Variants in RSBN1 observed in about 807,000 individuals in gnomAD.
The protein encoded by RSBN1 is round spermatid basic protein 1, also known as lysine-specific demethylase 9.
A neutral mutation model predicts 74.8 loss-of-function variants in RSBN1; 23 were observed. The observed-to-expected ratio is 0.31, with a 90% confidence interval of 0.22 to 0.44. The LOEUF is 0.44. Ranked by LOEUF, RSBN1 falls within the 20% of genes least tolerant of loss-of-function variation. RSBN1 has a pLI of 1.00. For synonymous variants in RSBN1, 407 were observed against 379.6 expected, an observed-to-expected ratio of 1.07 and a Z score of -0.84; for missense variants, 808 against 1,020.9, an observed-to-expected ratio of 0.79 and a Z score of 2.84.
rs141121877 is a variant in RSBN1 at position 113,797,718 on chromosome 1, T to C, written c.1022A>G (p.Gln341Arg). Residue 341 changes from glutamine (Q) to arginine (R), a missense_variant, in exon 2 of 7, where the codon CAG becomes CGG. Physicochemically the swap from Gln to Arg is conservative, Grantham distance 43. Coordinates refer to ENST00000261441, the MANE Select transcript of RSBN1 (RefSeq NM_018364.5). Reference sequence around the variant, plus strand: ...GAAATTTCTACGAATAGAATGTTCCTGGTGAGTCATAAAAGGTGTTTGTAC... The same window carrying C: ...GAAATTTCTACGAATAGAATGTTCCCGGTGAGTCATAAAAGGTGTTTGTAC... ...QGVQTPFMTH[Q>R]EHSIRRNFLK... 160 of 1,614,026 alleles carry C rather than the reference T, an allele frequency of 9.9e-5. No individual in the cohort carries two copies. The highest frequency in any genetic ancestry group is 2.9e-4 in the African/African-American group (22 of 74,926).
At chr1:113,782,505 A>G (rs1660158059) in intron 2 of RSBN1, among the ~76,000 whole-genome samples, 1 of 152,242 alleles carries the variant, frequency 6.6e-6, no homozygotes, top group African/African-American at 2.4e-5. Context: ...GTTAAGAAGT[A>G]ATGCAATTAA....
At chr1:113,789,453 T>C (rs1660323751) in intron 2 of RSBN1, among the ~76,000 whole-genome samples, 1 of 152,096 alleles carries the variant, frequency 6.6e-6, no homozygotes, top group Admixed American at 6.6e-5. Context: ...CTTTAACATA[T>C]CCATCACACT....
chr1:113,786,648 G>A (rs1298783704), intron 2 of RSBN1, among the ~76,000 whole-genome samples: 1 of 152,140 alleles, frequency 6.6e-6, no homozygotes, highest in Non-Finnish European at 1.5e-5. Flanking sequence ...CTTCAGAACT[G>A]TAAGAAACTA....
intron 2 of RSBN1, among the ~76,000 whole-genome samples, chr1:113,782,524 A>G (rs960996729): frequency 6.6e-6 from 1 of 152,226 alleles, no homozygotes; most frequent in African/African-American, 2.4e-5. Flanking sequence ...AAAATGATGT[A>G]AGAATAACGT....
intron 1 of RSBN1, among the ~76,000 whole-genome samples, chr1:113,803,350 C>T (rs1242911657): frequency 6.6e-6 from 1 of 152,156 alleles, no homozygotes; most frequent in Non-Finnish European, 1.5e-5. Context: ...TTCAGCTCCT[C>T]GGGGTAAATA....
At chr1:113,794,529 A>G (rs1571306418) in intron 2 of RSBN1, among the ~76,000 whole-genome samples, 1 of 152,180 alleles carries the variant, frequency 6.6e-6, no homozygotes, top group East Asian at 1.9e-4. Context: ...ATGTCAATCT[A>G]TTTGTAGCTC....
chr1:113,794,245 A>G (rs963115707), intron 2 of RSBN1, among the ~76,000 whole-genome samples: 1 of 152,168 alleles, frequency 6.6e-6, no homozygotes, highest in Non-Finnish European at 1.5e-5. Context: ...CATTTATGAC[A>G]TGGTTACTAT....
intron 1 of RSBN1, among the ~76,000 whole-genome samples, 159 bp from the exon 2 acceptor site, chr1:113,798,195 T>C (rs564640174): frequency 8.9e-4 from 136 of 152,176 alleles, no homozygotes; most frequent in Non-Finnish European, 1.5e-3. Flanking sequence ...AGATCTTAAA[T>C]ATAATAATAT....
chr1:113,769,739 A>G (rs1659853583), intron 4 of RSBN1, among the ~76,000 whole-genome samples: 1 of 152,212 alleles, frequency 6.6e-6, no homozygotes, highest in South Asian at 2.1e-4. Flanking sequence ...ATACACAAGA[A>G]GGGATCAGCA....
At chr1:113,780,761 A>G (rs1403068378) in intron 2 of RSBN1, among the ~76,000 whole-genome samples, 1 of 152,264 alleles carries the variant, frequency 6.6e-6, no homozygotes, top group Non-Finnish European at 1.5e-5. Context: ...CTGGCAGAAG[A>G]GCCATCAAGT....
rs55787910 is a variant in RSBN1, at chr1:113,803,939, C to CAA, written c.704-5905_704-5904dup. ...GCAACACAGCAGGACCCCATTTTTACAAAAAAAAAAAAAAAAAAAAAGTTA... is the reference window on the plus strand; with the variant it reads ...GCAACACAGCAGGACCCCATTTTTACAAAAAAAAAAAAAAAAAAAAAAAGTTA... On this transcript the variant is annotated intron_variant, in intron 1 of 6. Transcript: ENST00000261441. Among the ~76,000 whole-genome samples, 111 of 63,440 alleles carry CAA rather than the reference C, an allele frequency of 1.7e-3. 1 individual carries two copies. Among genetic ancestry groups the CAA allele is most frequent in the East Asian group, 6.9e-3 (19 of 2,742 alleles). The allele number at this position is 63,440 out of a possible 152,430, so 41.6% of individuals were successfully genotyped here.
At chr1:113,769,293 G>C (rs1659843735) in intron 4 of RSBN1, among the ~76,000 whole-genome samples, 1 of 151,876 alleles carries the variant, frequency 6.6e-6, no homozygotes, top group Non-Finnish European at 1.5e-5. Context: ...GCAGTCTGCT[G>C]TTTTGGTGTA....
chr1:113,766,269 A>G lies in RSBN1; in HGVS notation c.2120T>C (p.Val707Ala), dbSNP rs1227029271. The change falls in exon 7 of 7, where the codon GTT becomes GCT. Residue 707 changes from valine to alanine, a missense_variant. Physicochemically the swap from Val to Ala is moderately conservative, Grantham distance 64. This residue lies in a region of RSBN1 where 38 missense variants were observed against 120.6 expected (regional missense o/e 0.32). Transcript: ENST00000261441. The part of the protein sequence containing the change: ...WHIRLKQYHP[V>A]VEATQNTESN... ...TTCTGTGTTTTGAGTGGCTTCCACA[A>G]CAGGGTGGTACTGTTTAAGCCTTAT... 6.8e-6 allele frequency: 11 copies of G among 1,614,016 alleles called. No individual in the cohort carries two copies. In the Admixed American group the frequency reaches 1.3e-4, roughly 20 times the overall value.
intron 1 of RSBN1, among the ~76,000 whole-genome samples, chr1:113,806,748 C>T (rs1660705779): frequency 1.3e-5 from 2 of 150,648 alleles, no homozygotes; most frequent in South Asian, 4.2e-4. Context: ...TGTCTGTAAT[C>T]CCAACACTTT....
At position 113,764,500 on chromosome 1, in the gene RSBN1, A is replaced by G. The variant is rs1659743183; in HGVS notation, c.*1480T>C. The G allele has an allele frequency of 6.6e-6, 1 of 152,598 alleles. No homozygotes were observed. The highest frequency in any genetic ancestry group is 2.4e-5 in the African/African-American group (1 of 41,442). 9.5% of individuals were successfully genotyped at this position (152,598 alleles called of 1,614,324 possible). A position where few individuals can be genotyped will look rare whatever the true frequency, so the allele number is the denominator to read the frequency against. On this transcript the variant is annotated 3_prime_UTR_variant, in exon 7 of 7. Transcript: ENST00000261441. ...CTACACAACAATATTGCACAAAGTA[A>G]TATTTATATAAGATTTAACCTATTT...
intron 1 of RSBN1, among the ~76,000 whole-genome samples, chr1:113,802,854 C>T (rs1019525723): frequency 2.0e-5 from 3 of 152,074 alleles, no homozygotes; most frequent in Non-Finnish European, 2.9e-5. Context: ...CATCATTATT[C>T]GCCTGCCCGC....
In RSBN1 at chr1:113,791,305, G is replaced by C. The variant is rs186584512; in HGVS notation, c.1377+6058C>G. On this transcript the variant is annotated intron_variant, in intron 2 of 6. Transcript: ENST00000261441. ...TATAAAATGTTAAACAATTATCTTT[G>C]AATATATATACTGCTGTCAATACAT... 2.2e-3 allele frequency among the ~76,000 whole-genome samples: 341 copies of C among 152,112 alleles called. 2 individuals are homozygous for C. The highest frequency in any genetic ancestry group is 1.0e-3 in the Non-Finnish European group (68 of 67,964).
intron 2 of RSBN1, 84 bp from the exon 3 acceptor site, chr1:113,777,892 C>T (rs1201774307): frequency 1.2e-5 from 15 of 1,267,296 alleles, no homozygotes; most frequent in Admixed American, 3.0e-5. Context: ...TTGTTTCCAA[C>T]GTTGCCATTT....
At chr1:113,786,763 G>A (rs12759140) in intron 2 of RSBN1, among the ~76,000 whole-genome samples, 2 of 152,100 alleles carry the variant, frequency 1.3e-5, no homozygotes, top group Non-Finnish European at 2.9e-5. Flanking sequence ...TTGAGTCCAG[G>A]AGTTCAAGAC....
Sources: gnomAD v4.1 joint callset for allele counts (sites outside exome capture counted in the v4.1 genomes callset) on GRCh38, gnomAD v4.1.1 for gene constraint, gnomAD v4.1.1 regional missense constraint, MANE v1.5 for transcripts, NCBI Gene and HGNC (gene_info 2026-07-23, HGNC 2026-07-21) for gene names.